The following NTAQ1 variants were observed in gnomAD, a reference collection of about 807,000 sequenced individuals.
NTAQ1 encodes the protein protein N-terminal glutamine amidohydrolase.
Under a neutral mutation model 28.2 loss-of-function variants are expected in NTAQ1, and 21 were observed. That is an observed-to-expected ratio of 0.74 (90% CI 0.53 to 1.07). The LOEUF is 1.07. Among genes scored for constraint, NTAQ1 ranks in the 50% least tolerant of loss-of-function variants. The probability of loss-of-function intolerance (pLI) is 0.00; values close to 1 mark genes in which losing one functional copy is unlikely to be tolerated. For missense variants in NTAQ1, 264 were observed against 256.6 expected, an observed-to-expected ratio of 1.03 and a Z score of -0.20; for synonymous variants, 105 against 90.0, an observed-to-expected ratio of 1.17 and a Z score of -0.94.
At chr8:123,470,667 T>C (rs534822751), downstream of NTAQ1, among the ~76,000 whole-genome samples, 12 of 152,346 alleles carry the variant, frequency 7.9e-5, no homozygotes, top group Non-Finnish European at 1.6e-4. Context: ...GGGTGCTTTT[T>C]AAACACCCAG....
At chr8:123,449,841 A>C (rs1430359586), downstream of NTAQ1, among the ~76,000 whole-genome samples, 1 of 143,454 alleles carries the variant, frequency 7.0e-6, no homozygotes, top group Admixed American at 7.0e-5. Flanking sequence ...CGACAGAGTG[A>C]GACTCTGGCT....
chr8:123,430,103 G>A (rs751310934), intron 3 of NTAQ1, 70 bp downstream of exon 3: 3 of 1,315,432 alleles, frequency 2.3e-6, no homozygotes, highest in African/African-American at 2.9e-5. Flanking sequence ...GTATGTTTTG[G>A]TAAAGCAGAA....
At chr8:123,432,019 A>G (rs543102545) in intron 3 of NTAQ1, among the ~76,000 whole-genome samples, 2 of 152,284 alleles carry the variant, frequency 1.3e-5, no homozygotes, top group South Asian at 4.2e-4. Flanking sequence ...TGGCAGCTCA[A>G]GATGGGGAAT....
At chr8:123,458,033 CA>C (rs201846882) in intron 6 of NTAQ1, among the ~76,000 whole-genome samples, 2,252 of 85,334 alleles carry the variant, frequency 0.026, 42 homozygotes, top group African/African-American at 0.11. Flanking sequence ...GACTCTGTCT[CA>C]AAAAAAAAAA....
intron 1 of NTAQ1, among the ~76,000 whole-genome samples, chr8:123,424,592 T>C (rs1316694588): frequency 6.7e-6 from 1 of 148,890 alleles, no homozygotes; most frequent in East Asian, 2.0e-4. Flanking sequence ...CAGGCTGGTC[T>C]TGAACTCCCA....
At chr8:123,455,449 C>T (rs925985995) in intron 6 of NTAQ1, among the ~76,000 whole-genome samples, 10 of 127,044 alleles carry the variant, frequency 7.9e-5, no homozygotes, top group East Asian at 2.2e-4. Flanking sequence ...TTTTTTGAGA[C>T]GGAGTCTCCC....
At chr8:123,421,148 A>G (rs1436915307) in intron 1 of NTAQ1, among the ~76,000 whole-genome samples, 2 of 151,988 alleles carry the variant, frequency 1.3e-5, no homozygotes, top group South Asian at 2.1e-4. Flanking sequence ...CAGTGGTGCA[A>G]TCATGGCTCA....
intron 2 of NTAQ1, among the ~76,000 whole-genome samples, chr8:123,428,389 G>A (rs533391037): frequency 6.6e-6 from 1 of 152,118 alleles, no homozygotes; most frequent in South Asian, 2.1e-4. Flanking sequence ...GTAGAGATGG[G>A]GTTTTGCTAT....
At chr8:123,439,308 A>G (rs1814904376) in intron 5 of NTAQ1, among the ~76,000 whole-genome samples, 1 of 149,852 alleles carries the variant, frequency 6.7e-6, no homozygotes, top group Admixed American at 6.7e-5. Flanking sequence ...CCTCTGGATT[A>G]GTTGGGATTA....
intron 6 of NTAQ1, among the ~76,000 whole-genome samples, chr8:123,447,748 C>T (rs1586960252): frequency 6.6e-6 from 1 of 151,560 alleles, no homozygotes; most frequent in African/African-American, 2.4e-5. Flanking sequence ...TATATAATTT[C>T]ATATAAAAAT....
chr8:123,417,566 G>A (rs1484721748), intron 1 of NTAQ1, among the ~76,000 whole-genome samples: 2 of 152,068 alleles, frequency 1.3e-5, no homozygotes, highest in East Asian at 3.9e-4. Flanking sequence ...GTGCACCCCT[G>A]TCCTAGGCCA....
At chr8:123,442,911 GC>G (rs1815133854), downstream of NTAQ1, among the ~76,000 whole-genome samples, 1 of 152,002 alleles carries the variant, frequency 6.6e-6, no homozygotes, top group African/African-American at 2.4e-5. Context: ...CAGGTGATCT[GC>G]CCACTTTCGC....
chr8:123,451,813 C>T (rs771003096), downstream of NTAQ1, among the ~76,000 whole-genome samples: 6 of 152,184 alleles, frequency 3.9e-5, no homozygotes, highest in East Asian at 1.9e-4. Context: ...ACATCAAGTC[C>T]GCCACTCCAC....
downstream of NTAQ1, among the ~76,000 whole-genome samples, chr8:123,444,027 G>C (rs1296481045): frequency 1.3e-5 from 2 of 149,740 alleles, no homozygotes; most frequent in Admixed American, 6.7e-5. Context: ...ATGTCTCTCT[G>C]TGCTTAATTT....
At chr8:123,429,578 G>A (rs187209201) in intron 2 of NTAQ1, among the ~76,000 whole-genome samples, 1 of 152,012 alleles carries the variant, frequency 6.6e-6, no homozygotes, top group African/African-American at 2.4e-5. Flanking sequence ...ACAAGATCCT[G>A]TCTTGGCCAG....
At chr8:123,472,393 A>C (rs1816050673), downstream of NTAQ1, among the ~76,000 whole-genome samples, 1 of 152,210 alleles carries the variant, frequency 6.6e-6, no homozygotes, top group South Asian at 2.1e-4. Context: ...TTAAAGCAAC[A>C]GTAATATATT....
At chr8:123,459,008 G>A (rs944739917) in intron 6 of NTAQ1, among the ~76,000 whole-genome samples, 8 of 151,938 alleles carry the variant, frequency 5.3e-5, no homozygotes, top group Admixed American at 3.3e-4. Flanking sequence ...AACCCAGGGG[G>A]CGGAGGTTGC....
intron 1 of NTAQ1, 70 bp downstream of exon 1, chr8:123,417,002 C>T (rs1275220401): frequency 3.6e-5 from 49 of 1,359,718 alleles, no homozygotes; most frequent in Middle Eastern, 5.4e-4. Flanking sequence ...CGGGCCCCGC[C>T]TCTTCCCGGC....
In NTAQ1 at chr8:123,441,996, C is replaced by G. The variant is rs1485807822; in HGVS notation, c.*581C>G. The stretch of plus-strand genomic sequence containing the variant: ...CGTTAATTGGCTTATTTATTTATGG[C>G]TTTAAATAAAATCGATTTAACGTTA... On this transcript the variant is annotated 3_prime_UTR_variant, in exon 6 of 6. Transcript: ENST00000287387. 1 of 152,576 alleles carries G rather than the reference C, an allele frequency of 6.6e-6. No homozygotes were observed. The highest frequency in any genetic ancestry group is 1.5e-5 in the Non-Finnish European group (1 of 68,026). 9.5% of individuals were successfully genotyped at this position (152,576 alleles called of 1,614,324 possible).
Sources: allele counts gnomAD v4.1 joint callset (sites outside exome capture counted in the v4.1 genomes callset), GRCh38; gene constraint gnomAD v4.1.1; transcripts MANE v1.5; gene names NCBI Gene and HGNC (gene_info 2026-07-23, HGNC 2026-07-21).